The following TAFA4 variants were observed in gnomAD, a reference collection of about 807,000 sequenced individuals.
TAFA4 encodes TAFA chemokine like family member 4.
In TAFA4, 20 loss-of-function variants were observed where a neutral mutation model predicts 21.1. That is an observed-to-expected ratio of 0.95 (90% CI 0.67 to 1.38). The LOEUF (loss-of-function observed/expected upper bound fraction) is 1.38, where lower values mean the gene tolerates loss of function less well. Ranked by LOEUF, TAFA4 falls within the 40% of genes most tolerant of loss-of-function variation. The pLI, the probability that TAFA4 is intolerant of heterozygous loss-of-function variation, is 0.00. For synonymous variants in TAFA4, 71 were observed against 67.4 expected (o/e 1.05, Z -0.26); for missense variants, 211 against 180.9 (o/e 1.17, Z -0.95).
At chr3:68,926,655 G>A (rs932701739) in intron 1 of TAFA4, among the ~76,000 whole-genome samples, 2 of 152,188 alleles carry the variant, frequency 1.3e-5, no homozygotes, top group African/African-American at 4.8e-5. Flanking sequence ...GCTCAGGCCT[G>A]TAATCCCAGC....
chr3:68,867,382 A>G (rs1373903003), intron 3 of TAFA4, among the ~76,000 whole-genome samples: 3 of 152,232 alleles, frequency 2.0e-5, no homozygotes, highest in Non-Finnish European at 4.4e-5. Context: ...AGACAACAAG[A>G]GCTGGGGGAA....
intron 3 of TAFA4, among the ~76,000 whole-genome samples, chr3:68,817,332 C>T (rs1287510579): frequency 6.6e-6 from 1 of 152,146 alleles, no homozygotes; most frequent in Non-Finnish European, 1.5e-5. Context: ...CTACTTCTAA[C>T]TCTCTTGCTA....
At chr3:68,911,476 G>A (rs934559732) in intron 1 of TAFA4, among the ~76,000 whole-genome samples, 1 of 152,318 alleles carries the variant, frequency 6.6e-6, no homozygotes, top group Admixed American at 6.5e-5. Flanking sequence ...CCCAGGTGAT[G>A]GGTATGATCA....
intron 3 of TAFA4, among the ~76,000 whole-genome samples, chr3:68,843,213 T>C (rs1252989932): frequency 2.0e-5 from 3 of 152,172 alleles, no homozygotes; most frequent in Non-Finnish European, 4.4e-5. Context: ...CCTTGAGCAG[T>C]GGTTTGTAGT....
chr3:68,898,617 A>G (rs1354621863), intron 1 of TAFA4, among the ~76,000 whole-genome samples: 1 of 152,222 alleles, frequency 6.6e-6, no homozygotes, highest in East Asian at 1.9e-4. Context: ...CTGCACTCAA[A>G]CCTGGGTGAC....
Position 68,736,747 on chromosome 3 carries a change from A to AT in TAFA4, c.411+2327dup, listed in dbSNP as rs376267729. 6.4e-3 allele frequency among the ~76,000 whole-genome samples: 975 copies of AT among 152,184 alleles called. 9 individuals are homozygous for AT. The highest frequency in any genetic ancestry group is 0.023 in the African/African-American group (943 of 41,544). ...AAGCTAGTCACAGATCCACAAATGA[A>AT]TTTACTCTATGTGCATAAGATCCAT... On this transcript the variant is annotated intron_variant, in intron 5 of 5. Coordinates refer to ENST00000295569, the MANE Select transcript of TAFA4 (RefSeq NM_182522.5).
At chr3:68,809,635 C>G (rs77509327) in intron 3 of TAFA4, among the ~76,000 whole-genome samples, 1 of 151,460 alleles carries the variant, frequency 6.6e-6, no homozygotes, top group Non-Finnish European at 1.5e-5. Context: ...AAATTATTGC[C>G]CAGATCAGTG....
At chr3:68,885,853 C>T (rs1236143195) in intron 1 of TAFA4, among the ~76,000 whole-genome samples, 2 of 151,716 alleles carry the variant, frequency 1.3e-5, no homozygotes, top group African/African-American at 4.8e-5. Flanking sequence ...TCCACCATAC[C>T]AAAATATAAA....
chr3:68,853,019 A>T (rs1338377379), intron 3 of TAFA4, among the ~76,000 whole-genome samples: 4 of 152,178 alleles, frequency 2.6e-5, no homozygotes, highest in Non-Finnish European at 5.9e-5. Flanking sequence ...CTCTCTTCTC[A>T]GGAAAACTGA....
intron 3 of TAFA4, among the ~76,000 whole-genome samples, chr3:68,783,713 A>AGAGAAAGAAAGAAAGAAAG (rs1553641279): frequency 1.2e-5 from 1 of 80,756 alleles, no homozygotes; most frequent in East Asian, 6.0e-4. Flanking sequence ...GAGAGAAAGA[A>AGAGAAAGAAAGAAAGAAAG]AAAGAAAGAA....
intron 2 of TAFA4, among the ~76,000 whole-genome samples, chr3:68,883,318 C>T (rs2089637747): frequency 6.6e-6 from 1 of 152,194 alleles, no homozygotes; most frequent in Admixed American, 6.5e-5. Context: ...GCCACATGGC[C>T]CCTGCACGTG....
intron 3 of TAFA4, among the ~76,000 whole-genome samples, chr3:68,798,617 T>G (rs1391124445): frequency 3.3e-5 from 5 of 152,208 alleles, no homozygotes; most frequent in African/African-American, 1.2e-4. Context: ...ATAAAATCAT[T>G]TGTTGTTTAG....
intron 3 of TAFA4, among the ~76,000 whole-genome samples, chr3:68,856,224 G>A (rs1305894379): frequency 6.6e-6 from 1 of 152,130 alleles, no homozygotes; most frequent in Non-Finnish European, 1.5e-5. Context: ...TTACCCCTGA[G>A]GAGAAAACTA....
chr3:68,917,753 C>CCAAAAAAAAA (rs764665164), intron 1 of TAFA4, among the ~76,000 whole-genome samples: 38 of 58,174 alleles, frequency 6.5e-4, no homozygotes, highest in African/African-American at 2.5e-3. Context: ...GACTCTGTCT[C>CCAAAAAAAAA]AAAAAAAAAA....
At chr3:68,778,448 A>G (rs1464177214) in intron 3 of TAFA4, among the ~76,000 whole-genome samples, 1 of 152,226 alleles carries the variant, frequency 6.6e-6, no homozygotes, top group Non-Finnish European at 1.5e-5. Flanking sequence ...ACGCAATTAC[A>G]GTTGGAGACT....
intron 3 of TAFA4, among the ~76,000 whole-genome samples, chr3:68,824,220 G>A (rs963328149): frequency 6.6e-6 from 1 of 152,196 alleles, no homozygotes; most frequent in Non-Finnish European, 1.5e-5. Context: ...CACAAATTTA[G>A]TGGCTTAAAA....
At chr3:68,928,930 T>G (rs2090134531) in intron 1 of TAFA4, among the ~76,000 whole-genome samples, 1 of 151,690 alleles carries the variant, frequency 6.6e-6, no homozygotes, top group Non-Finnish European at 1.5e-5. Flanking sequence ...AGGTACTTTC[T>G]AGATTTAAAA....
chr3:68,755,795 G>A (rs1702649637), intron 3 of TAFA4, among the ~76,000 whole-genome samples: 1 of 152,180 alleles, frequency 6.6e-6, no homozygotes, highest in Non-Finnish European at 1.5e-5. Context: ...TCCTTGTGCA[G>A]GCCCCTCCCA....
chr3:68,834,922 A>C (rs1466064712), intron 3 of TAFA4, among the ~76,000 whole-genome samples: 6 of 152,186 alleles, frequency 3.9e-5, no homozygotes, highest in African/African-American at 1.4e-4. Flanking sequence ...CCTCCTATGT[A>C]AAGTGTAGGT....
Sources: allele counts gnomAD v4.1 joint callset (sites outside exome capture counted in the v4.1 genomes callset), GRCh38; gene constraint gnomAD v4.1.1; transcripts MANE v1.5; gene names NCBI Gene and HGNC (gene_info 2026-07-23, HGNC 2026-07-21).